ADGRG6: variants seen among roughly 807,000 people sequenced by gnomAD.
ADGRG6 encodes G-protein coupled receptor 126.
A neutral mutation model predicts 142.4 loss-of-function variants in ADGRG6; 84 were observed. That is an observed-to-expected ratio of 0.59 (90% CI 0.49 to 0.71). The LOEUF is 0.71. Ranked by LOEUF, ADGRG6 falls within the 30% of genes least tolerant of loss-of-function variation. The pLI is 0.00. For missense variants in ADGRG6, 1,367 were observed against 1,466.6 expected (o/e 0.93, Z 1.11); for synonymous variants, 521 against 520.5 (o/e 1.00, Z -0.01).
At chr6:142,419,123 A>G (rs944119414) in intron 21 of ADGRG6, among the ~76,000 whole-genome samples, 1 of 152,148 alleles carries the variant, frequency 6.6e-6, no homozygotes, top group African/African-American at 2.4e-5. Flanking sequence ...TTGCCACAGT[A>G]ACAAACTCAC....
intron 22 of ADGRG6, among the ~76,000 whole-genome samples, chr6:142,423,333 G>A (rs1776756813): frequency 2.0e-5 from 3 of 149,628 alleles, no homozygotes; most frequent in South Asian, 2.1e-4. Flanking sequence ...ATCTTGAATT[G>A]ATTTTTGTAT....
At chr6:142,348,701 A>G (rs2114761285) in intron 2 of ADGRG6, among the ~76,000 whole-genome samples, 1 of 152,106 alleles carries the variant, frequency 6.6e-6, no homozygotes, top group South Asian at 2.1e-4. Flanking sequence ...TTAAATCTTA[A>G]TGGGAATGTA....
At chr6:142,359,395 C>T (rs185543926) in intron 2 of ADGRG6, among the ~76,000 whole-genome samples, 8 of 152,184 alleles carry the variant, frequency 5.3e-5, no homozygotes, top group African/African-American at 1.2e-4. Context: ...CCACTTTACA[C>T]ACGATGCTCC....
At chr6:142,368,435 T>C (rs888925510) in intron 3 of ADGRG6, among the ~76,000 whole-genome samples, 5 of 152,168 alleles carry the variant, frequency 3.3e-5, no homozygotes, top group African/African-American at 1.2e-4. Context: ...TTTTATTAAA[T>C]ATGTTTTCTA....
At chr6:142,375,291 G>T (rs1361499148) in intron 4 of ADGRG6, among the ~76,000 whole-genome samples, 1 of 152,160 alleles carries the variant, frequency 6.6e-6, no homozygotes, top group East Asian at 1.9e-4. Context: ...TGTCAAAAGG[G>T]TACCGTGAAC....
chr6:142,385,488 A>G (rs942083948), intron 6 of ADGRG6, among the ~76,000 whole-genome samples: 2 of 152,160 alleles, frequency 1.3e-5, no homozygotes, highest in African/African-American at 2.4e-5. Context: ...TATACTATTT[A>G]CTATGTTTTT....
At chr6:142,337,300 G>A (rs755451127) in intron 2 of ADGRG6, among the ~76,000 whole-genome samples, 3 of 152,198 alleles carry the variant, frequency 2.0e-5, no homozygotes, top group Non-Finnish European at 2.9e-5. Context: ...ATTGGAAGCA[G>A]TCAAATAGCA....
At chr6:142,436,630 T>TA (rs1243816558) in intron 22 of ADGRG6, among the ~76,000 whole-genome samples, 3 of 152,228 alleles carry the variant, frequency 2.0e-5, no homozygotes, top group Admixed American at 6.5e-5. Context: ...TGTTTGTTCT[T>TA]AAAAAAAGTG....
intron 4 of ADGRG6, among the ~76,000 whole-genome samples, chr6:142,375,934 A>G (rs1404359339): frequency 6.6e-6 from 1 of 152,164 alleles, no homozygotes; most frequent in Non-Finnish European, 1.5e-5. Context: ...ATTTTAGTAT[A>G]TGACTTTGTT....
At chr6:142,360,943 C>T (rs1267723062) in intron 2 of ADGRG6, among the ~76,000 whole-genome samples, 2 of 152,188 alleles carry the variant, frequency 1.3e-5, no homozygotes, top group African/African-American at 4.8e-5. Flanking sequence ...TGAGCCACTG[C>T]GCCCAGCCTC....
In ADGRG6 at chr6:142,445,517, C is replaced by T. The variant is rs1777937196; in HGVS notation, c.*2002C>T. 6.6e-6 allele frequency: 1 copy of T among 152,116 alleles called. No homozygotes were observed. Among genetic ancestry groups the T allele is most frequent in the Non-Finnish European group, 1.5e-5 (1 of 68,010 alleles). 9.4% of individuals were successfully genotyped at this position (152,116 alleles called of 1,614,324 possible). ...GTCAATAGTAATTAAGATATAGCTT[C>T]AAAAATGGCTTTGCTTTTGATTTCT... is the stretch of plus-strand genomic sequence containing the variant. On this transcript the variant is annotated 3_prime_UTR_variant, in exon 25 of 25. Transcript: ENST00000367609.
chr6:142,349,425 G>A (rs760437872), intron 2 of ADGRG6, among the ~76,000 whole-genome samples: 12 of 152,216 alleles, frequency 7.9e-5, no homozygotes, highest in Non-Finnish European at 1.5e-4. Flanking sequence ...GCTTAGACTG[G>A]CACAAGGGGA....
chr6:142,369,604 C>G (rs1445687855), intron 3 of ADGRG6, among the ~76,000 whole-genome samples: 1 of 152,124 alleles, frequency 6.6e-6, no homozygotes, highest in Non-Finnish European at 1.5e-5. Context: ...TAGACTCCCT[C>G]TCCTTAATAG....
chr6:142,415,890 A>C lies in ADGRG6; in HGVS notation c.2764A>C (p.Thr922Pro), dbSNP rs1359436499. Residue 922 changes from threonine to proline, a missense_variant, in exon 20 of 25, where the codon ACC (threonine) becomes CCC (proline). Physicochemically the swap from Thr to Pro is conservative, Grantham distance 38. Around this residue, in one of 3 missense-constraint regions of ADGRG6, gnomAD observed 286 missense variants for 371.4 expected, o/e 0.77. Coordinates refer to ENST00000367609, the MANE Select transcript of ADGRG6 (RefSeq NM_198569.3). Reference sequence around the variant, plus strand: ...CCTCTTCCTCCTAGATGGCTGGATCACCTCCTTCAATGTGGATGGACTTTG... The same window carrying C: ...CCTCTTCCTCCTAGATGGCTGGATCCCCTCCTTCAATGTGGATGGACTTTG... ...NLLFLLDGWI[T>P]SFNVDGLCIA... The C allele has an allele frequency of 6.2e-7, 1 of 1,613,254 alleles. No individual in the cohort carries two copies. The highest frequency in any genetic ancestry group is 8.5e-7 in the Non-Finnish European group (1 of 1,179,464).
At chr6:142,349,159 T>C (rs1022580597) in intron 2 of ADGRG6, among the ~76,000 whole-genome samples, 31 of 152,342 alleles carry the variant, frequency 2.0e-4, no homozygotes, top group African/African-American at 7.2e-4. Flanking sequence ...TTTATGAGCT[T>C]CCTCAGTGCC....
chr6:142,394,080 C>T (rs1411220231), intron 9 of ADGRG6, 122 bp downstream of exon 9: 15 of 661,810 alleles, frequency 2.3e-5, no homozygotes, highest in Non-Finnish European at 1.3e-5. Flanking sequence ...ACAGTTATTT[C>T]TTTAGCACTG....
At chr6:142,401,664 T>TA (rs796856397) in intron 11 of ADGRG6, among the ~76,000 whole-genome samples, 50 of 152,148 alleles carry the variant, frequency 3.3e-4, no homozygotes, top group African/African-American at 1.2e-3. Context: ...TAGAAGGAAA[T>TA]AGTGCAAATG....
At position 142,438,301 on chromosome 6, in the gene ADGRG6, A is replaced by G. The variant is rs369549773; in HGVS notation, c.3511A>G (p.Thr1171Ala). The change falls in exon 24 of 25, where the codon ACC becomes GCC. Residue 1171 changes from threonine (T) to alanine (A), a missense_variant. Physicochemically the swap from Thr to Ala is moderately conservative, Grantham distance 58. Coordinates refer to ENST00000367609, the MANE Select transcript of ADGRG6 (RefSeq NM_198569.3). ...TTCAAGCTCCATTGGTTCCAACTCAACCTATCTTACATCCAAATCTAAATC... is the reference window on the plus strand; with the variant it reads ...TTCAAGCTCCATTGGTTCCAACTCAGCCTATCTTACATCCAAATCTAAATC... ...LSSSSIGSNS[T>A]YLTSKSKSSS... The G allele has an allele frequency of 1.3e-5, 21 of 1,608,208 alleles. No individual in the cohort carries two copies. In the South Asian group the frequency reaches 1.7e-4, roughly 13 times the overall value.
chr6:142,374,081 T>C (rs1781384169), intron 4 of ADGRG6, among the ~76,000 whole-genome samples: 1 of 152,096 alleles, frequency 6.6e-6, no homozygotes, highest in East Asian at 1.9e-4. Context: ...GCCTCTGTGC[T>C]ACAATGGCTG....
Sources: gnomAD v4.1 joint callset for allele counts (sites outside exome capture counted in the v4.1 genomes callset) on GRCh38, gnomAD v4.1.1 for gene constraint, gnomAD v4.1.1 regional missense constraint, MANE v1.5 for transcripts, NCBI Gene and HGNC (gene_info 2026-07-23, HGNC 2026-07-21) for gene names.